Variants in CDHR3 observed in about 807,000 individuals in gnomAD.
CDHR3 encodes cadherin-related family member 3.
In CDHR3, 79 loss-of-function variants were observed where a neutral mutation model predicts 86.6. The ratio of observed to expected loss-of-function variants is 0.91; its 90% CI spans 0.76 to 1.10. CDHR3 has a LOEUF of 1.10. Among genes scored for constraint, CDHR3 ranks in the 50% least tolerant of loss-of-function variants. The pLI is 0.00. For synonymous variants in CDHR3, 421 were observed against 402.4 expected (o/e 1.05, Z -0.55); for missense variants, 1,081 against 1,077.6 (o/e 1.00, Z -0.04).
intron 1 of CDHR3, among the ~76,000 whole-genome samples, chr7:105,968,034 C>T (rs1827258998): frequency 2.0e-5 from 3 of 152,316 alleles, no homozygotes; most frequent in African/African-American, 4.8e-5. Context: ...CTTGCCCATG[C>T]CTATGTCCTG....
chr7:106,022,309 A>G lies in CDHR3; in HGVS notation c.1937A>G (p.Tyr646Cys). Residue 646 changes from tyrosine (Y) to cysteine (C), a missense_variant, in exon 14 of 19, where the codon TAC (tyrosine) becomes TGC (cysteine). Physicochemically the swap from Tyr to Cys is radical, Grantham distance 194. Coordinates refer to ENST00000317716, the MANE Select transcript of CDHR3 (RefSeq NM_152750.5). Reference protein sequence around the residue: ...YAGGFDKIWDYKLLVYVTDDN... With the variant: ...YAGGFDKIWDCKLLVYVTDDN... ...GGTGGGTTTGATAAGATCTGGGACT[A>G]CAAGCTACTTGTCTACGTAACTGAT... The G allele has an allele frequency of 6.2e-7, 1 of 1,614,032 alleles. No individual in the cohort carries two copies. Among genetic ancestry groups the G allele is most frequent in the Non-Finnish European group, 8.5e-7 (1 of 1,179,902 alleles).
chr7:105,980,890 A>G, intron 2 of CDHR3, 78 bp from the exon 3 acceptor site: 1 of 1,320,770 alleles, frequency 7.6e-7, no homozygotes, highest in Non-Finnish European at 1.1e-6. Context: ...CTTCCTAGGA[A>G]TATCCCTTTG....
At position 106,015,325 on chromosome 7, in the gene CDHR3, C is replaced by T. The variant is rs191028447; in HGVS notation, c.1327+112C>T. On this transcript the variant is annotated intron_variant, in intron 10 of 18. Coordinates refer to ENST00000317716, the MANE Select transcript of CDHR3 (RefSeq NM_152750.5). ...GGTCCCCCTTCTCACTAGTACTGCC[C>T]TCATGCGGGGACCCCCTCTTTCTCG... 67 of 861,606 alleles carry T rather than the reference C, an allele frequency of 7.8e-5. No individual in the cohort carries two copies. The African/African-American group carries it at 1.0e-3, about 13-fold the overall frequency. The allele number at this position is 861,606 out of a possible 1,614,324, so 53.4% of individuals were successfully genotyped here. A position where few individuals can be genotyped will look rare whatever the true frequency, so the allele number is the denominator to read the frequency against.
At position 105,981,107 on chromosome 7, in the gene CDHR3, C is replaced by CT. The variant is rs1829665894; in HGVS notation, c.390dup (p.Gln131SerfsTer27). On this transcript the variant is annotated frameshift_variant, in exon 3 of 19. Coordinates refer to ENST00000317716, the MANE Select transcript of CDHR3 (RefSeq NM_152750.5). LOFTEE classifies it high-confidence loss of function. ...CAGGTAACAGATGTGAACGAGCCACCTCAGTTTCAAGGCAACTTGGCAGAA... is the reference window on the plus strand; with the variant it reads ...CAGGTAACAGATGTGAACGAGCCACCTTCAGTTTCAAGGCAACTTGGCAGAA... 1 of 1,613,474 alleles carries CT rather than the reference C, an allele frequency of 6.2e-7. No homozygotes were observed. Among genetic ancestry groups the CT allele is most frequent in the African/African-American group, 1.3e-5 (1 of 74,908 alleles).
At chr7:105,974,317 A>G (rs1471197064) in intron 1 of CDHR3, among the ~76,000 whole-genome samples, 2 of 152,176 alleles carry the variant, frequency 1.3e-5, no homozygotes, top group African/African-American at 4.8e-5. Context: ...ATAATAACCA[A>G]AAATTGTCCT....
At chr7:106,013,075 G>A in intron 9 of CDHR3, 44 bp downstream of exon 9, 2 of 1,507,716 alleles carry the variant, frequency 1.3e-6, no homozygotes, top group African/African-American at 2.8e-5. Context: ...ATCGGGAATT[G>A]GTCCAACATG....
Position 105,974,280 on chromosome 7 carries a change from C to T in CDHR3, c.47-564C>T, listed in dbSNP as rs141446533. ...CTACCAACCAAGAGGTACTGCTTGG[C>T]CCTCTGCATGATGCCTACAGAGTCC... is the stretch of plus-strand genomic sequence containing the variant. On this transcript the variant is annotated intron_variant, in intron 1 of 18. Coordinates refer to ENST00000317716, the MANE Select transcript of CDHR3 (RefSeq NM_152750.5). 3.4e-3 allele frequency among the ~76,000 whole-genome samples: 511 copies of T among 152,300 alleles called. 3 individuals carry two copies. Among genetic ancestry groups the T allele is most frequent in the African/African-American group, 0.012 (488 of 41,570 alleles).
intron 1 of CDHR3, among the ~76,000 whole-genome samples, chr7:105,968,037 A>G (rs1278239694): frequency 2.6e-5 from 4 of 152,238 alleles, no homozygotes; most frequent in Non-Finnish European, 5.9e-5. Context: ...GCCCATGCCT[A>G]TGTCCTGAAT....
At chr7:106,008,369 C>A (rs1834266386) in intron 8 of CDHR3, among the ~76,000 whole-genome samples, 1 of 152,176 alleles carries the variant, frequency 6.6e-6, no homozygotes, top group Non-Finnish European at 1.5e-5. Context: ...TGTCGCAGGA[C>A]CTGCTTCCTC....
intron 14 of CDHR3, among the ~76,000 whole-genome samples, chr7:106,022,896 CACCA>C (rs1836784984): frequency 6.6e-6 from 1 of 152,176 alleles, no homozygotes; most frequent in African/African-American, 2.4e-5. Flanking sequence ...TTTGAAGAAT[CACCA>C]GGTACCAATC....
chr7:106,008,292 C>A (rs886345871), intron 8 of CDHR3, among the ~76,000 whole-genome samples: 1 of 152,154 alleles, frequency 6.6e-6, no homozygotes, highest in African/African-American at 2.4e-5. Context: ...GAGGGTCAGG[C>A]TCTCTCTTTG....
chr7:105,968,471 C>A (rs1827337779), intron 1 of CDHR3, among the ~76,000 whole-genome samples: 1 of 152,046 alleles, frequency 6.6e-6, no homozygotes, highest in African/African-American at 2.4e-5. Context: ...AGTGATTCTC[C>A]TGCCTCAGCC....
At chr7:105,964,449 C>T (rs1005101011) in intron 1 of CDHR3, among the ~76,000 whole-genome samples, 8 of 151,874 alleles carry the variant, frequency 5.3e-5, no homozygotes, top group Non-Finnish European at 8.8e-5. Context: ...TCTATAGCTC[C>T]TATTTTTTTC....
At position 106,030,851 on chromosome 7, in the gene CDHR3, G is replaced by T. The variant is rs754081912; in HGVS notation, c.2353+11G>T. 1.2e-6 allele frequency: 2 copies of T among 1,607,174 alleles called. No individual in the cohort carries two copies. Among genetic ancestry groups the T allele is most frequent in the Non-Finnish European group, 1.7e-6 (2 of 1,176,128 alleles). On this transcript the variant is annotated intron_variant, in intron 18 of 18. Coordinates refer to ENST00000317716, the MANE Select transcript of CDHR3 (RefSeq NM_152750.5). The surrounding 1 kb of genome is among the most constrained non-coding windows in gnomAD (Gnocchi z 4.8). ...AAGCCATAGATCCAGGTAATTAAGT[G>T]GCAATACCACTGTAAGAATGCTTTT...
rs1838896174 is a variant in CDHR3, at chr7:106,036,048, T to TG, written c.*3355dup. On this transcript the variant is annotated 3_prime_UTR_variant, in exon 19 of 19. Coordinates refer to ENST00000317716, the MANE Select transcript of CDHR3 (RefSeq NM_152750.5). ...TTCTCATTCTGATTCATTATAAAACTGGGGTAAATACGTTCAGGAATTAGA... is the reference window on the plus strand; with the variant it reads ...TTCTCATTCTGATTCATTATAAAACTGGGGGTAAATACGTTCAGGAATTAGA... The TG allele has an allele frequency of 6.6e-6, 1 of 152,202 alleles. No homozygotes were observed. Among genetic ancestry groups the TG allele is most frequent in the South Asian group, 2.1e-4 (1 of 4,832 alleles). The allele number at this position is 152,202 out of a possible 1,614,324, so 9.4% of individuals were successfully genotyped here.
At chr7:105,988,793 C>T (rs1830892750) in intron 4 of CDHR3, among the ~76,000 whole-genome samples, 1 of 152,076 alleles carries the variant, frequency 6.6e-6, no homozygotes, top group Admixed American at 6.5e-5. Context: ...GTTCTAGTAG[C>T]CACATTGAAA....
chr7:106,012,839 T>C (rs772584567), intron 8 of CDHR3, 21 bp from the exon 9 acceptor site: 1 of 1,580,892 alleles, frequency 6.3e-7, no homozygotes, highest in East Asian at 2.3e-5. Flanking sequence ...GGGGAAATAC[T>C]GGATTGTGTC....
At position 105,963,367 on chromosome 7, in the gene CDHR3, A is replaced by G; in HGVS notation, c.46+3A>G. ...GGCTCTCCTGGGTGCCATGTCAGGT[A>G]GGAACTCAATTTTGCTTTGGAACCT... On this transcript the variant is annotated splice_donor_region_variant and intron_variant, in intron 1 of 18. Transcript: ENST00000317716. 5 of 1,613,954 alleles carry G rather than the reference A, an allele frequency of 3.1e-6. No individual in the cohort carries two copies. Among genetic ancestry groups the G allele is most frequent in the African/African-American group, 1.3e-5 (1 of 75,054 alleles).
At chr7:106,022,984 G>T (rs1018959269) in intron 14 of CDHR3, among the ~76,000 whole-genome samples, 2 of 152,128 alleles carry the variant, frequency 1.3e-5, no homozygotes, top group Non-Finnish European at 2.9e-5. Context: ...CCTATAGTGT[G>T]CCAGTCACTT....
Sources: allele counts gnomAD v4.1 joint callset (sites outside exome capture counted in the v4.1 genomes callset), GRCh38; gene constraint gnomAD v4.1.1; non-coding constraint Gnocchi (gnomAD v3.1); transcripts MANE v1.5; gene names NCBI Gene and HGNC (gene_info 2026-07-23, HGNC 2026-07-21).